The following SLC13A3 variants were observed in gnomAD, a reference collection of about 807,000 sequenced individuals.
SLC13A3 encodes the protein solute carrier family 13 member 3, also known as Na(+)/dicarboxylate cotransporter 3.
Under a neutral mutation model 59.0 loss-of-function variants are expected in SLC13A3, and 40 were observed. The observed-to-expected ratio is 0.68, with a 90% CI of 0.53 to 0.88. The LOEUF is 0.88. Among genes scored for constraint, SLC13A3 ranks in the 40% least tolerant of loss-of-function variants. SLC13A3 has a pLI of 0.00. For synonymous variants in SLC13A3, 317 were observed against 330.3 expected (o/e 0.96, Z 0.44); for missense variants, 699 against 783.2 (o/e 0.89, Z 1.28).
chr20:46,640,266 C>T (rs144910899), intron 1 of SLC13A3, among the ~76,000 whole-genome samples: 5 of 152,226 alleles, frequency 3.3e-5, no homozygotes, highest in African/African-American at 1.2e-4. Flanking sequence ...CAGTGGAAAT[C>T]GAAGTCCTCT....
At chr20:46,656,640 ACTAC>A (rs576626630) in intron 1 of SLC13A3, among the ~76,000 whole-genome samples, 105 of 149,488 alleles carry the variant, frequency 7.0e-4, no homozygotes, top group African/African-American at 2.5e-3. Flanking sequence ...TATGATATAT[ACTAC>A]CTATTATTAT....
intron 5 of SLC13A3, among the ~76,000 whole-genome samples, chr20:46,594,914 A>G (rs921710727): frequency 3.3e-5 from 5 of 152,266 alleles, no homozygotes; most frequent in Admixed American, 6.5e-5. Flanking sequence ...TCTCTTGTGA[A>G]AATACCTATA....
intron 4 of SLC13A3, 45 bp downstream of exon 4, chr20:46,599,926 T>C: frequency 7.1e-7 from 1 of 1,413,054 alleles, no homozygotes; most frequent in Admixed American, 2.1e-5. Context: ...CATCATCTCC[T>C]TGAATCAAGC....
intron 1 of SLC13A3, among the ~76,000 whole-genome samples, chr20:46,679,498 C>T (rs2063143717): frequency 6.6e-6 from 1 of 152,094 alleles, no homozygotes; most frequent in Admixed American, 6.5e-5. Context: ...CCTGTAGTCC[C>T]AGCTACTTGA....
At chr20:46,635,928 T>C (rs568486933) in intron 1 of SLC13A3, among the ~76,000 whole-genome samples, 84 of 152,324 alleles carry the variant, frequency 5.5e-4, no homozygotes, top group African/African-American at 2.0e-3. Context: ...ACCAGCACCA[T>C]GACAGCTTAT....
At chr20:46,635,357 A>G (rs2062785376) in intron 1 of SLC13A3, among the ~76,000 whole-genome samples, 1 of 152,192 alleles carries the variant, frequency 6.6e-6, no homozygotes, top group Non-Finnish European at 1.5e-5. Flanking sequence ...GAAACCCTCT[A>G]CCGAGGCCAA....
At chr20:46,657,898 G>A (rs754628368) in intron 1 of SLC13A3, among the ~76,000 whole-genome samples, 29 of 152,108 alleles carry the variant, frequency 1.9e-4, no homozygotes, top group South Asian at 2.1e-4. Flanking sequence ...AGGACAGCAC[G>A]GATCCAACCC....
intron 1 of SLC13A3, among the ~76,000 whole-genome samples, chr20:46,635,997 C>T (rs2062791936): frequency 3.9e-5 from 6 of 152,222 alleles, no homozygotes; most frequent in Admixed American, 3.3e-4. Flanking sequence ...GAGGAACCCT[C>T]AGTTTCAGGA....
intron 1 of SLC13A3, among the ~76,000 whole-genome samples, chr20:46,675,193 G>A (rs571462605): frequency 6.6e-6 from 1 of 151,778 alleles, no homozygotes; most frequent in Non-Finnish European, 1.5e-5. Flanking sequence ...TGGGGTTGGT[G>A]GGGGGAAGTG....
intron 1 of SLC13A3, among the ~76,000 whole-genome samples, chr20:46,632,968 T>C (rs942178745): frequency 6.6e-5 from 10 of 152,106 alleles, no homozygotes; most frequent in African/African-American, 2.4e-4. Flanking sequence ...TCTATCTATC[T>C]GTTTATGTAT....
intron 3 of SLC13A3, among the ~76,000 whole-genome samples, chr20:46,606,633 G>T (rs571370237): frequency 1.3e-5 from 2 of 152,328 alleles, no homozygotes; most frequent in Admixed American, 6.5e-5. Flanking sequence ...GAGCCTGGGA[G>T]TTTGAGGCTG....
At chr20:46,583,714 C>CG (rs779409196) in intron 8 of SLC13A3, 45 bp from the exon 9 acceptor site, 1 of 1,610,404 alleles carries the variant, frequency 6.2e-7, no homozygotes, top group Admixed American at 1.7e-5. Context: ...GGCATCTCAG[C>CG]GGGCCGAGGT....
intron 3 of SLC13A3, among the ~76,000 whole-genome samples, chr20:46,609,661 C>A (rs1031354595): frequency 2.0e-5 from 3 of 152,166 alleles, no homozygotes; most frequent in Non-Finnish European, 2.9e-5. Context: ...TACCTCCAAT[C>A]ATAACTGCTC....
At position 46,613,515 on chromosome 20, in the gene SLC13A3, G is replaced by C; in HGVS notation, c.322C>G (p.Leu108Val). ...ATCTTGAGGGCGATTCGCCGGTGCA[G>C]GTTCCACTCCTCAATGGCGCTGGCC... ...IMASAIEEWN[L>V]HRRIALKILM... The change falls in exon 2 of 13, where the codon CTG (leucine) becomes GTG (valine). Residue 108 changes from leucine (L) to valine (V), a missense_variant. By Grantham distance (32) the Leu-to-Val change is conservative. Transcript: ENST00000279027. 1 of 1,613,226 alleles carries C rather than the reference G, an allele frequency of 6.2e-7. No homozygotes were observed. The highest frequency in any genetic ancestry group is 2.2e-5 in the East Asian group (1 of 44,846).
At chr20:46,654,822 T>C (rs1239656257), upstream of SLC13A3, among the ~76,000 whole-genome samples, 1 of 152,210 alleles carries the variant, frequency 6.6e-6, no homozygotes, top group African/African-American at 2.4e-5. Flanking sequence ...TGAGCCACCA[T>C]GCCTGGCCAA....
chr20:46,656,543 ATATAT>A (rs1216710039), intron 1 of SLC13A3, among the ~76,000 whole-genome samples: 3 of 145,440 alleles, frequency 2.1e-5, no homozygotes, highest in Non-Finnish European at 3.0e-5. Flanking sequence ...TATACAGTAC[ATATAT>A]TATACTGTAT....
At chr20:46,595,402 G>A (rs888459726) in intron 5 of SLC13A3, among the ~76,000 whole-genome samples, 33 of 151,924 alleles carry the variant, frequency 2.2e-4, no homozygotes, top group African/African-American at 7.0e-4. Flanking sequence ...TTTTATCCTC[G>A]TGCCCTGACC....
chr20:46,568,191 C>T (rs577978369), intron 10 of SLC13A3, among the ~76,000 whole-genome samples: 38 of 151,748 alleles, frequency 2.5e-4, no homozygotes, highest in African/African-American at 8.5e-4. Flanking sequence ...GTCAGGAGTG[C>T]GAGATCAGAC....
chr20:46,588,512 G>T (rs528440411), intron 7 of SLC13A3, among the ~76,000 whole-genome samples: 9 of 152,250 alleles, frequency 5.9e-5, no homozygotes, highest in African/African-American at 1.9e-4. Flanking sequence ...GAGAGGAAGA[G>T]AAACAGACAG....
Sources: gnomAD v4.1 joint callset for allele counts (sites outside exome capture counted in the v4.1 genomes callset) on GRCh38, gnomAD v4.1.1 for gene constraint, MANE v1.5 for transcripts, NCBI Gene and HGNC (gene_info 2026-07-23, HGNC 2026-07-21) for gene names.